LEF1: variants seen among roughly 807,000 people sequenced by gnomAD.
LEF1 encodes lymphoid enhancer-binding factor 1.
A neutral mutation model predicts 51.2 loss-of-function variants in LEF1; 14 were observed. That is an observed-to-expected ratio of 0.27 (90% confidence interval 0.18 to 0.43). LEF1 has a LOEUF of 0.43. Ranked by LOEUF, LEF1 falls within the 20% of genes least tolerant of loss-of-function variation. The pLI is 1.00. For missense variants in LEF1, 386 were observed against 512.0 expected, an observed-to-expected ratio of 0.75 and a Z score of 2.37; for synonymous variants, 185 against 183.2, an observed-to-expected ratio of 1.01 and a Z score of -0.08.
At chr4:108,099,620 A>G (rs1279213798) in intron 3 of LEF1, among the ~76,000 whole-genome samples, 1 of 123,176 alleles carries the variant, frequency 8.1e-6, no homozygotes, top group African/African-American at 3.2e-5. Context: ...ATATATATAA[A>G]TAATACTTGA....
At chr4:108,082,547 G>C (rs1052140873) in intron 5 of LEF1, among the ~76,000 whole-genome samples, 1 of 152,136 alleles carries the variant, frequency 6.6e-6, no homozygotes, top group African/African-American at 2.4e-5. Flanking sequence ...CTGTGACATA[G>C]AGAGTCAAGT....
At chr4:108,080,255 A>G (rs1192132167) in intron 6 of LEF1, among the ~76,000 whole-genome samples, 2 of 152,234 alleles carry the variant, frequency 1.3e-5, no homozygotes, top group African/African-American at 4.8e-5. Context: ...CAGCATTAAA[A>G]AAAATCTTAA....
In LEF1 at chr4:108,168,422, T is replaced by C. The variant is rs1745552943; in HGVS notation, c.-655A>G. The stretch of plus-strand genomic sequence containing the variant: ...CGCTGGAGATGTCCGTTTTAGATCT[T>C]CTTATTTTCTTCCCTTTCGCTTCGG... On this transcript the variant is annotated 5_prime_UTR_variant, in exon 1 of 12. Transcript: ENST00000265165. The surrounding 1 kb of genome is among the most constrained non-coding windows in gnomAD (Gnocchi z 4.6). 6.6e-6 allele frequency: 1 copy of C among 152,276 alleles called. No homozygotes were observed. The highest frequency in any genetic ancestry group is 6.5e-5 in the Admixed American group (1 of 15,292). 9.4% of individuals were successfully genotyped at this position (152,276 alleles called of 1,614,324 possible). A position where few individuals can be genotyped will look rare whatever the true frequency, so the allele number is the denominator to read the frequency against.
chr4:108,108,508 T>C (rs891072999), intron 3 of LEF1, among the ~76,000 whole-genome samples: 11 of 152,266 alleles, frequency 7.2e-5, no homozygotes, highest in African/African-American at 2.2e-4. Context: ...GCTGTTCTCC[T>C]TCTGTATGTA....
At position 108,048,472 on chromosome 4, in the gene LEF1, G is replaced by T. The variant is rs1415511339; in HGVS notation, c.*286C>A. 2.3e-5 allele frequency: 9 copies of T among 389,206 alleles called. No homozygotes were observed. The Admixed American group carries it at 3.9e-4, about 17-fold the overall frequency. 24.1% of individuals were successfully genotyped at this position (389,206 alleles called of 1,614,324 possible). ...TGCTCAGCTGCCCCACAGCCTGCTA[G>T]CATTCTCATGTGCTTTTACATTTCC... On this transcript the variant is annotated 3_prime_UTR_variant, in exon 12 of 12. Coordinates refer to ENST00000265165, the MANE Select transcript of LEF1 (RefSeq NM_016269.5).
At chr4:108,158,337 T>C (rs1331589703) in intron 3 of LEF1, among the ~76,000 whole-genome samples, 1 of 152,094 alleles carries the variant, frequency 6.6e-6, no homozygotes, top group Non-Finnish European at 1.5e-5. Flanking sequence ...ATTAGCTTCC[T>C]ACAGATTGGC....
chr4:108,099,615 T>TATATAA (rs1553953129), intron 3 of LEF1, among the ~76,000 whole-genome samples: 74 of 118,274 alleles, frequency 6.3e-4, no homozygotes, highest in Non-Finnish European at 1.1e-3. Flanking sequence ...TATATATATA[T>TATATAA]ATAAATAATA....
chr4:108,150,856 A>G (rs1421882193), intron 3 of LEF1, among the ~76,000 whole-genome samples: 1 of 152,360 alleles, frequency 6.6e-6, no homozygotes, highest in East Asian at 1.9e-4. Context: ...TAAATATTAC[A>G]TGCTAGTATA....
Position 108,079,599 on chromosome 4 carries a change from C to T in LEF1, c.738G>A (p.Met246Ile). ...DTSMSRFSHH[M>I]IPGPPGPHTT... ...TGTGGGGACCAGGAGGACCGGGAAT[C>T]ATATGATGGGAAAACCTGAAAGGAG... is the stretch of plus-strand genomic sequence containing the variant. The change falls in exon 7 of 12, where the codon ATG (methionine) becomes ATA (isoleucine). Residue 246 changes from methionine to isoleucine, a missense_variant. Physicochemically the swap from Met to Ile is conservative, Grantham distance 10. Around this residue, in one of 2 missense-constraint regions of LEF1, gnomAD observed 335 missense variants for 390.7 expected, o/e 0.86. Transcript: ENST00000265165. 1.2e-6 allele frequency: 2 copies of T among 1,614,008 alleles called. No individual in the cohort carries two copies. Among genetic ancestry groups the T allele is most frequent in the Non-Finnish European group, 1.7e-6 (2 of 1,179,984 alleles).
At chr4:108,106,117 C>A (rs756802094) in intron 3 of LEF1, among the ~76,000 whole-genome samples, 4 of 152,104 alleles carry the variant, frequency 2.6e-5, no homozygotes, top group South Asian at 4.2e-4. Context: ...GGGAGATCAA[C>A]GGTCTGATCA....
intron 11 of LEF1, among the ~76,000 whole-genome samples, chr4:108,051,660 T>C (rs181316935): frequency 1.3e-5 from 2 of 152,140 alleles, no homozygotes; most frequent in Admixed American, 1.3e-4. Context: ...AGACTTGGGC[T>C]CCCTCCACCA....
At chr4:108,102,523 A>G (rs1740896484) in intron 3 of LEF1, among the ~76,000 whole-genome samples, 1 of 152,190 alleles carries the variant, frequency 6.6e-6, no homozygotes, top group East Asian at 1.9e-4. Context: ...GTGATGAGGA[A>G]AGTGGCATTC....
At chr4:108,079,463 A>G in intron 7 of LEF1, 29 bp downstream of exon 7, 2 of 1,613,336 alleles carry the variant, frequency 1.2e-6, no homozygotes, top group Non-Finnish European at 1.7e-6. Context: ...TCCTAAGGCA[A>G]TCACAGCAGA....
chr4:108,145,627 G>A (rs1743951615), intron 3 of LEF1, among the ~76,000 whole-genome samples: 1 of 152,118 alleles, frequency 6.6e-6, no homozygotes, highest in South Asian at 2.1e-4. Flanking sequence ...AAGCAAGATG[G>A]AGCCATGGAA....
At position 108,165,152 on chromosome 4, in the gene LEF1, T is replaced by C; in HGVS notation, c.225A>G (p.Gln75=). The C allele has an allele frequency of 6.2e-7, 1 of 1,614,158 alleles. No homozygotes were observed. Among genetic ancestry groups the C allele is most frequent in the East Asian group, 2.2e-5 (1 of 44,882 alleles). The stretch of plus-strand genomic sequence containing the variant: ...GGTAGGGCTCCTGAGAGGTTTGTGC[T>C]TGTCTGGCCACCTAACATCATGAAT... ...PASNGHEVAR[Q]AQTSQEPYHD... Residue 75 remains glutamine (Q), a synonymous_variant, in exon 2 of 12, where the codon CAA becomes CAG. Coordinates refer to ENST00000265165, the MANE Select transcript of LEF1 (RefSeq NM_016269.5).
chr4:108,047,933 A>C lies in LEF1; in HGVS notation c.*825T>G, dbSNP rs1736724507. 6.5e-6 allele frequency: 1 copy of C among 152,672 alleles called. No homozygotes were observed. Among genetic ancestry groups the C allele is most frequent in the Non-Finnish European group, 1.5e-5 (1 of 68,058 alleles). The allele number at this position is 152,672 out of a possible 1,614,324, so 9.5% of individuals were successfully genotyped here. The stretch of plus-strand genomic sequence containing the variant: ...AACTGAAATAGGGCTGCCAATTGCT[A>C]CCAACAGAGTGGGTTTGGCTATTAC... On this transcript the variant is annotated 3_prime_UTR_variant, in exon 12 of 12. Transcript: ENST00000265165.
chr4:108,167,019 G>A lies in LEF1; in HGVS notation c.213+536C>T, dbSNP rs1745449238. ...CCCGCGGCCCGGCTCACCGGTGGTA[G>A]GGACGGCCCCGCCTGCCCCAGCCCA... On this transcript the variant is annotated intron_variant, in intron 1 of 11. Coordinates refer to ENST00000265165, the MANE Select transcript of LEF1 (RefSeq NM_016269.5). This position sits in a 1 kb window ranked among gnomAD's most constrained non-coding sequence, Gnocchi z 5.7. Among the ~76,000 whole-genome samples, 1 of 152,070 alleles carries A rather than the reference G, an allele frequency of 6.6e-6. No homozygotes were observed. Among genetic ancestry groups the A allele is most frequent in the Admixed American group, 6.5e-5 (1 of 15,276 alleles).
chr4:108,160,211 C>T lies in LEF1; in HGVS notation c.414+3357G>A, dbSNP rs141217776. On this transcript the variant is annotated intron_variant, in intron 3 of 11. Coordinates refer to ENST00000265165, the MANE Select transcript of LEF1 (RefSeq NM_016269.5). ...AAGCTGGCCAAGCTCACCATTCACA[C>T]GGTGTTCAGGCACACAACTGCCAGA... is the stretch of plus-strand genomic sequence containing the variant. Among the ~76,000 whole-genome samples the T allele has an allele frequency of 2.0e-3, 301 of 152,322 alleles. 2 individuals carry two copies. The highest frequency in any genetic ancestry group is 6.7e-3 in the African/African-American group (279 of 41,590).
At chr4:108,161,731 C>T (rs897349326) in intron 3 of LEF1, among the ~76,000 whole-genome samples, 1 of 151,992 alleles carries the variant, frequency 6.6e-6, no homozygotes, top group Non-Finnish European at 1.5e-5. Context: ...TTAAAATTAC[C>T]ATTTTGAAAG....
Sources: gnomAD v4.1 joint callset for allele counts (sites outside exome capture counted in the v4.1 genomes callset) on GRCh38, gnomAD v4.1.1 for gene constraint, gnomAD v4.1.1 regional missense constraint, Gnocchi (gnomAD v3.1) non-coding constraint, MANE v1.5 for transcripts, NCBI Gene and HGNC (gene_info 2026-07-23, HGNC 2026-07-21) for gene names.